Variants in ME1 observed in about 807,000 individuals in gnomAD.
The protein encoded by ME1 is malic enzyme 1.
ME1 carries 74 observed loss-of-function variants against 66.4 expected under a neutral mutation model. The observed-to-expected ratio is 1.11, with a 90% CI of 0.92 to 1.35. ME1 has a LOEUF of 1.35. Ranked by LOEUF, ME1 falls within the 40% of genes most tolerant of loss-of-function variation. The pLI is 0.00. For synonymous variants in ME1, 251 were observed against 235.6 expected (o/e 1.07, Z -0.60); for missense variants, 750 against 694.1 (o/e 1.08, Z -0.90).
At chr6:83,333,194 T>G (rs374050254) in intron 5 of ME1, among the ~76,000 whole-genome samples, 1 of 152,236 alleles carries the variant, frequency 6.6e-6, no homozygotes, top group African/African-American at 2.4e-5. Flanking sequence ...TAGGTTATTC[T>G]GGATAAGAAA....
At chr6:83,308,030 A>G (rs897040802) in intron 6 of ME1, among the ~76,000 whole-genome samples, 8 of 152,148 alleles carry the variant, frequency 5.3e-5, no homozygotes, top group African/African-American at 1.9e-4. Flanking sequence ...CTTTTGTTCA[A>G]CACTACTCAG....
At chr6:83,309,687 A>C (rs889312797) in intron 6 of ME1, among the ~76,000 whole-genome samples, 1 of 152,192 alleles carries the variant, frequency 6.6e-6, no homozygotes, top group Non-Finnish European at 1.5e-5. Flanking sequence ...AGTCACAAAT[A>C]TAAAGATGTA....
At chr6:83,252,420 C>T (rs554677941) in intron 7 of ME1, among the ~76,000 whole-genome samples, 2 of 152,176 alleles carry the variant, frequency 1.3e-5, no homozygotes, top group East Asian at 3.9e-4. Context: ...CCACCTCAGC[C>T]TCCCGAGTAT....
intron 3 of ME1, among the ~76,000 whole-genome samples, chr6:83,360,080 C>A (rs571022070): frequency 1.3e-5 from 2 of 152,268 alleles, no homozygotes; most frequent in East Asian, 3.9e-4. Flanking sequence ...GTCGAATGGA[C>A]AAAAGGCTAA....
At chr6:83,398,566 A>G in intron 2 of ME1, 50 bp from the exon 3 acceptor site, 2 of 937,054 alleles carry the variant, frequency 2.1e-6, no homozygotes, top group Non-Finnish European at 3.2e-6. Context: ...GTCATGAAAT[A>G]GCTACTTAGA....
Position 83,407,857 on chromosome 6 carries a change from A to G in ME1, c.123T>C (p.His41=). The change falls in exon 2 of 14, where the codon CAT becomes CAC. Residue 41 remains histidine, a synonymous_variant. Transcript: ENST00000369705. ...TGTTGAAGGAAGGTGGCAACAATCC[A>G]TGAATGTTCAATTGCTGTCTCTCTT... ...TLEERQQLNI[H]GLLPPSFNSQ... is the part of the protein sequence containing the mutation. 3 of 1,613,376 alleles carry G rather than the reference A, an allele frequency of 1.9e-6. No homozygotes were observed. The highest frequency in any genetic ancestry group is 2.7e-5 in the African/African-American group (2 of 75,024).
intron 6 of ME1, among the ~76,000 whole-genome samples, chr6:83,294,508 G>A (rs1767559380): frequency 6.6e-6 from 1 of 152,062 alleles, no homozygotes; most frequent in Non-Finnish European, 1.5e-5. Context: ...AACAAGCAGA[G>A]CCCCCTGCTC....
chr6:83,277,242 C>T (rs555504659), intron 6 of ME1, among the ~76,000 whole-genome samples: 70 of 152,300 alleles, frequency 4.6e-4, no homozygotes, highest in Non-Finnish European at 8.4e-4. Flanking sequence ...TTTACATTCT[C>T]ATATTCACTG....
chr6:83,393,237 C>G (rs1769660108), intron 3 of ME1: 3 of 1,138,770 alleles, frequency 2.6e-6, no homozygotes, highest in Admixed American at 1.7e-5. Context: ...CTACTCTGAG[C>G]ACCAGGTGGT....
chr6:83,234,355 C>T (rs1275594683), intron 9 of ME1, among the ~76,000 whole-genome samples: 1 of 152,160 alleles, frequency 6.6e-6, no homozygotes, highest in Non-Finnish European at 1.5e-5. Context: ...ATCTCCAACC[C>T]AGACACTTAT....
intron 5 of ME1, among the ~76,000 whole-genome samples, chr6:83,331,585 C>CA (rs1222661961): frequency 0.044 from 3,186 of 72,988 alleles, 112 homozygotes; most frequent in African/African-American, 0.12. Flanking sequence ...GACTCCATCT[C>CA]AAAAAAAAAA....
intron 7 of ME1, among the ~76,000 whole-genome samples, chr6:83,242,210 C>T (rs1790521791): frequency 6.6e-6 from 1 of 152,148 alleles, no homozygotes; most frequent in Non-Finnish European, 1.5e-5. Context: ...TAGCAAGATA[C>T]TAAACAGATC....
intron 6 of ME1, among the ~76,000 whole-genome samples, chr6:83,264,023 G>A (rs1766945407): frequency 6.6e-6 from 1 of 152,128 alleles, no homozygotes; most frequent in African/African-American, 2.4e-5. Context: ...AGAAGTCAAC[G>A]TCTGGCTTCA....
At chr6:83,222,338 A>G (rs1790109871) in intron 12 of ME1, among the ~76,000 whole-genome samples, 1 of 152,224 alleles carries the variant, frequency 6.6e-6, no homozygotes, top group Admixed American at 6.5e-5. Flanking sequence ...ATCTGTTCTC[A>G]TAGAATGACA....
intron 5 of ME1, among the ~76,000 whole-genome samples, chr6:83,324,716 CA>C (rs55866196): frequency 0.12 from 5,749 of 49,246 alleles, 61 homozygotes; most frequent in East Asian, 0.21. Context: ...GCCTACCAAC[CA>C]AAAAAAAAAA....
intron 3 of ME1, among the ~76,000 whole-genome samples, chr6:83,354,175 G>A (rs945430731): frequency 2.0e-5 from 3 of 152,168 alleles, no homozygotes; most frequent in Non-Finnish European, 4.4e-5. Context: ...CACCCAGGTT[G>A]GAGGGCATTG....
chr6:83,366,203 AG>A (rs2128546656), intron 3 of ME1, among the ~76,000 whole-genome samples: 1 of 152,282 alleles, frequency 6.6e-6, no homozygotes, highest in South Asian at 2.1e-4. Flanking sequence ...TGATGTTTTA[AG>A]GATTCATTTA....
intron 3 of ME1, among the ~76,000 whole-genome samples, chr6:83,359,701 C>T (rs1768970858): frequency 6.6e-6 from 1 of 152,192 alleles, no homozygotes; most frequent in Admixed American, 6.6e-5. Flanking sequence ...TCACTTTAGA[C>T]TGACTCATCC....
chr6:83,379,167 C>A (rs2128548288), intron 3 of ME1, among the ~76,000 whole-genome samples: 1 of 152,180 alleles, frequency 6.6e-6, no homozygotes, highest in East Asian at 1.9e-4. Flanking sequence ...AAGACTTTAA[C>A]AGTCACATGT....
Sources: gnomAD v4.1 joint callset for allele counts (sites outside exome capture counted in the v4.1 genomes callset) on GRCh38, gnomAD v4.1.1 for gene constraint, MANE v1.5 for transcripts, NCBI Gene and HGNC (gene_info 2026-07-23, HGNC 2026-07-21) for gene names.